The following IRF8 variants were observed in gnomAD, a reference collection of about 807,000 sequenced individuals.
IRF8 encodes interferon consensus sequence binding protein 1.
A neutral mutation model predicts 48.7 loss-of-function variants in IRF8; 14 were observed. That is an observed-to-expected ratio of 0.29 (90% CI 0.19 to 0.45). The LOEUF (loss-of-function observed/expected upper bound fraction) is 0.45. IRF8 is among the 20% of genes least tolerant of loss of function. The pLI, the probability that IRF8 is intolerant of heterozygous loss-of-function variation, is 1.00. For synonymous variants in IRF8, 278 were observed against 227.3 expected (o/e 1.22, Z -2.01); for missense variants, 493 against 580.7 (o/e 0.85, Z 1.55).
chr16:85,920,308 G>A (rs1044249197), intron 8 of IRF8, 84 bp downstream of exon 8: 16 of 935,324 alleles, frequency 1.7e-5, no homozygotes, highest in African/African-American at 5.2e-5. Context: ...GTGCAATGGC[G>A]TGACCTTGGC....
chr16:85,915,531 G>T (rs1317072382), intron 6 of IRF8, among the ~76,000 whole-genome samples: 1 of 152,246 alleles, frequency 6.6e-6, no homozygotes, highest in Non-Finnish European at 1.5e-5. Flanking sequence ...GAGCTGGGGG[G>T]TTGTTTTCAC....
Position 85,914,695 on chromosome 16 carries a change from A to G in IRF8, c.601+175A>G, listed in dbSNP as rs535772017. On this transcript the variant is annotated intron_variant, in intron 6 of 8. Transcript: ENST00000268638. The stretch of plus-strand genomic sequence containing the variant: ...AAGTCTAGGCTCCGTTCCGAGGATG[A>G]GCAGGACCTGGTGTGGAAGTCTAGG... Among the ~76,000 whole-genome samples the G allele has an allele frequency of 9.2e-5, 14 of 151,858 alleles. No homozygotes were observed. In the East Asian group the frequency reaches 1.9e-3, roughly 21 times the overall value.
chr16:85,908,077 C>T (rs368266127), intron 2 of IRF8, among the ~76,000 whole-genome samples: 18 of 151,770 alleles, frequency 1.2e-4, no homozygotes, highest in African/African-American at 3.6e-4. Flanking sequence ...GGTGACCTTG[C>T]GAAAGTTACT....
chr16:85,920,040 C>A, intron 7 of IRF8, 69 bp from the exon 8 acceptor site: 2 of 1,122,434 alleles, frequency 1.8e-6, no homozygotes, highest in South Asian at 1.3e-5. Flanking sequence ...ATCCCCCAGC[C>A]CTGCTGCTGC....
chr16:85,905,569 C>T (rs187261059), intron 2 of IRF8, among the ~76,000 whole-genome samples: 370 of 152,272 alleles, frequency 2.4e-3, no homozygotes, highest in Non-Finnish European at 4.0e-3. Flanking sequence ...GGGAGGCCAT[C>T]GGGAGGGCCA....
chr16:85,910,575 T>C (rs1376067356), intron 3 of IRF8, among the ~76,000 whole-genome samples: 2 of 152,168 alleles, frequency 1.3e-5, no homozygotes, highest in Non-Finnish European at 1.5e-5. Flanking sequence ...TCAGTCAGGC[T>C]TGAACCGGCA....
chr16:85,914,723 T>TGGTGTGGAAGTCTAGGCCC (rs1905248590), intron 6 of IRF8, among the ~76,000 whole-genome samples: 1 of 145,258 alleles, frequency 6.9e-6, no homozygotes. Flanking sequence ...AGTCTAGGCC[T>TGGTGTGGAAGTCTAGGCCC]GGTTCTGAGG....
intron 1 of IRF8, among the ~76,000 whole-genome samples, chr16:85,902,397 T>C (rs1298888497): frequency 6.6e-6 from 1 of 152,256 alleles, no homozygotes; most frequent in Non-Finnish European, 1.5e-5. Flanking sequence ...GTTTAAATGC[T>C]GATCCAGCGT....
intron 7 of IRF8, 146 bp downstream of exon 7, chr16:85,918,949 C>A: frequency 9.7e-7 from 1 of 1,034,710 alleles, no homozygotes; most frequent in Non-Finnish European, 1.4e-6. Flanking sequence ...GGAGGTGCTC[C>A]TTTGAATGGC....
At position 85,921,325 on chromosome 16, in the gene IRF8, A is replaced by G. The variant is rs775499830; in HGVS notation, c.*43A>G. Reference sequence around the variant, plus strand: ...CCCACCCCGTCTGCGTCCTGCATCCATCTCCCTGTTACAGTGGCCCGCATC... The same window carrying G: ...CCCACCCCGTCTGCGTCCTGCATCCGTCTCCCTGTTACAGTGGCCCGCATC... On this transcript the variant is annotated 3_prime_UTR_variant, in exon 9 of 9. Transcript: ENST00000268638. The G allele has an allele frequency of 3.1e-6, 5 of 1,592,800 alleles. No individual in the cohort carries two copies. The highest frequency in any genetic ancestry group is 1.3e-5 in the African/African-American group (1 of 74,556).
intron 5 of IRF8, among the ~76,000 whole-genome samples, chr16:85,913,686 C>T (rs1026437425): frequency 6.6e-6 from 1 of 152,238 alleles, no homozygotes. Flanking sequence ...GAGAGGAGAA[C>T]TCAGACCAGG....
At chr16:85,915,477 A>G (rs1441951728) in intron 6 of IRF8, among the ~76,000 whole-genome samples, 1 of 152,232 alleles carries the variant, frequency 6.6e-6, no homozygotes, top group Non-Finnish European at 1.5e-5. Flanking sequence ...CGAGATGGCA[A>G]TGCCCTGTCC....
chr16:85,907,055 T>C (rs1392278494), intron 2 of IRF8, among the ~76,000 whole-genome samples: 2 of 152,224 alleles, frequency 1.3e-5, no homozygotes, highest in Non-Finnish European at 2.9e-5. Context: ...GCCCGGTCAG[T>C]GATGCAGTCA....
At chr16:85,918,892 G>A (rs560402145) in intron 7 of IRF8, 89 bp downstream of exon 7, 9 of 1,516,472 alleles carry the variant, frequency 5.9e-6, no homozygotes, top group South Asian at 1.1e-5. Flanking sequence ...TGGCCCTGTG[G>A]TCTCATGGAG....
chr16:85,917,370 A>T (rs4843861), intron 6 of IRF8, among the ~76,000 whole-genome samples: 43,982 of 152,176 alleles, frequency 0.29, 6,626 homozygotes, highest in Middle Eastern at 0.41. Context: ...CCTACCTTAG[A>T]TTAGTGTTTT....
At chr16:85,919,937 C>T (rs776310940) in intron 7 of IRF8, among the ~76,000 whole-genome samples, 172 bp from the exon 8 acceptor site, 1 of 152,246 alleles carries the variant, frequency 6.6e-6, no homozygotes, top group East Asian at 1.9e-4. Context: ...AATGGCCAAA[C>T]GAACAGCTCC....
At chr16:85,907,402 G>A (rs772628224) in intron 2 of IRF8, among the ~76,000 whole-genome samples, 25 of 152,202 alleles carry the variant, frequency 1.6e-4, no homozygotes, top group Non-Finnish European at 2.5e-4. Context: ...TACCTGGGCC[G>A]GGCGCGGTGG....
At chr16:85,899,516 G>A (rs1597247324) in intron 1 of IRF8, among the ~76,000 whole-genome samples, 3 of 152,304 alleles carry the variant, frequency 2.0e-5, no homozygotes, top group East Asian at 1.9e-4. Context: ...CGTTAGGAGA[G>A]CTCATATAAT....
chr16:85,919,732 A>C (rs762144976), intron 7 of IRF8, among the ~76,000 whole-genome samples: 2 of 152,162 alleles, frequency 1.3e-5, no homozygotes, highest in Non-Finnish European at 2.9e-5. Flanking sequence ...AGACCCTTTC[A>C]GTTGGCTGTC....
Sources: gnomAD v4.1 joint callset for allele counts (sites outside exome capture counted in the v4.1 genomes callset) on GRCh38, gnomAD v4.1.1 for gene constraint, MANE v1.5 for transcripts, NCBI Gene and HGNC (gene_info 2026-07-23, HGNC 2026-07-21) for gene names.